Variants in CCNY observed in about 807,000 individuals in gnomAD.
CCNY encodes cyclin-Y.
CCNY carries 19 observed loss-of-function variants against 42.8 expected under a neutral mutation model. The ratio of observed to expected loss-of-function variants is 0.44; its 90% CI spans 0.31 to 0.65. The LOEUF (loss-of-function observed/expected upper bound fraction) is 0.65, where lower values mean the gene tolerates loss of function less well. Among genes scored for constraint, CCNY ranks in the 30% least tolerant of loss-of-function variants. CCNY has a pLI of 0.07. For synonymous variants in CCNY, 165 were observed against 162.7 expected (o/e 1.01, Z -0.11); for missense variants, 370 against 437.3 (o/e 0.85, Z 1.37).
At chr10:35,418,427 C>T (rs1468169144) in intron 1 of CCNY, among the ~76,000 whole-genome samples, 1 of 152,174 alleles carries the variant, frequency 6.6e-6, no homozygotes, top group East Asian at 1.9e-4. Flanking sequence ...AAAACATGCC[C>T]TTGCTTGAGC....
rs145154126 is a variant in CCNY, at chr10:35,341,380, C to T, written c.154+4173C>T. On this transcript the variant is annotated intron_variant, in intron 1 of 9. Coordinates refer to ENST00000374704, the MANE Select transcript of CCNY (RefSeq NM_145012.6). ...AATCACCTTTAAACATCCTTTCTGC[C>T]GCCCACTGGCAATCCCAATGCATAT... Among the ~76,000 whole-genome samples the T allele has an allele frequency of 3.4e-3, 524 of 152,294 alleles. 1 individual carries two copies. Among genetic ancestry groups the T allele is most frequent in the Non-Finnish European group, 5.7e-3 (390 of 68,026 alleles).
rs35490407 is a variant in CCNY at position 35,267,311 on chromosome 10, GAA to G, written c.-9+16699_-9+16700del. 1.1e-3 allele frequency among the ~76,000 whole-genome samples: 145 copies of G among 132,398 alleles called. 1 individual carries two copies. Among genetic ancestry groups the G allele is most frequent in the Admixed American group, 3.0e-3 (39 of 12,826 alleles). The allele number at this position is 132,398 out of a possible 152,430, so 86.9% of individuals were successfully genotyped here. ...CAACAGAGAGAGATCCCATCACTTA[GAA>G]AAAAAAAAAAAAAGAGGATAATTCC... is the stretch of plus-strand genomic sequence containing the variant. On this transcript the variant is annotated intron_variant, in intron 3 of 11. Coordinates refer to the CCNY transcript ENST00000374706.
At chr10:35,292,359 A>AT (rs988218334) in intron 3 of CCNY, among the ~76,000 whole-genome samples, 10 of 151,656 alleles carry the variant, frequency 6.6e-5, no homozygotes, top group African/African-American at 2.2e-4. Flanking sequence ...TTAATTTTTA[A>AT]TTTTTTTATT....
intron 1 of CCNY, among the ~76,000 whole-genome samples, chr10:35,418,944 C>T (rs1273118283): frequency 6.6e-6 from 1 of 152,054 alleles, no homozygotes; most frequent in Non-Finnish European, 1.5e-5. Flanking sequence ...CCTCAGCCTC[C>T]CGAGTAGCTG....
intron 3 of CCNY, among the ~76,000 whole-genome samples, chr10:35,287,195 T>C (rs1835364132): frequency 6.6e-6 from 1 of 152,196 alleles, no homozygotes; most frequent in African/African-American, 2.4e-5. Flanking sequence ...CTATAGTTTG[T>C]CCAAATAGAG....
intron 3 of CCNY, among the ~76,000 whole-genome samples, chr10:35,264,120 G>C (rs2095722507): frequency 1.3e-5 from 2 of 152,154 alleles, no homozygotes; most frequent in Admixed American, 6.5e-5. Context: ...TTGATATTGT[G>C]AATAGTCCTG....
intron 3 of CCNY, among the ~76,000 whole-genome samples, chr10:35,281,973 G>A (rs11010153): frequency 6.6e-6 from 1 of 151,982 alleles, no homozygotes; most frequent in Non-Finnish European, 1.5e-5. Flanking sequence ...CATCTTCCTA[G>A]AACTCTTGGC....
chr10:35,448,235 T>C (rs772799925), intron 1 of CCNY, among the ~76,000 whole-genome samples: 8 of 152,196 alleles, frequency 5.3e-5, no homozygotes, highest in Admixed American at 2.0e-4. Context: ...CTGCTCTCTG[T>C]TGGACACCAT....
intron 1 of CCNY, among the ~76,000 whole-genome samples, chr10:35,351,744 AC>A (rs1350685436): frequency 6.6e-6 from 1 of 152,214 alleles, no homozygotes; most frequent in Non-Finnish European, 1.5e-5. Context: ...CTTATGAGAT[AC>A]CCTTACAGGA....
At chr10:35,397,797 G>C (rs1837556918) in intron 1 of CCNY, among the ~76,000 whole-genome samples, 1 of 152,204 alleles carries the variant, frequency 6.6e-6, no homozygotes, top group Non-Finnish European at 1.5e-5. Flanking sequence ...CTGCCTGGAT[G>C]CATGTGTGTC....
At chr10:35,460,130 G>T (rs1204839531) in intron 1 of CCNY, among the ~76,000 whole-genome samples, 2 of 152,186 alleles carry the variant, frequency 1.3e-5, no homozygotes. Flanking sequence ...TTTGTTTCAG[G>T]TAGAGCTCCC....
Position 35,566,032 on chromosome 10 carries a change from A to C in CCNY, c.756A>C (p.Leu252=). 2 of 1,613,772 alleles carry C rather than the reference A, an allele frequency of 1.2e-6. No homozygotes were observed. Among genetic ancestry groups the C allele is most frequent in the Non-Finnish European group, 8.5e-7 (1 of 1,179,814 alleles). Residue 252 remains leucine (L), a synonymous_variant, in exon 9 of 10, where the codon CTA becomes CTC. Coordinates refer to ENST00000374704, the MANE Select transcript of CCNY (RefSeq NM_145012.6). ...TGTCTTTGCTTTGCAGGAACGAGCT[A>C]GAGCGACAGTTTCTTGAATTGCTGC... ...KDITVEDMNE[L]ERQFLELLQF... is the part of the protein sequence containing the mutation.
At chr10:35,292,424 C>T (rs1468955753) in intron 3 of CCNY, among the ~76,000 whole-genome samples, 1 of 151,712 alleles carries the variant, frequency 6.6e-6, no homozygotes, top group Non-Finnish European at 1.5e-5. Context: ...AGTGCAGTGG[C>T]ACGATCTCGG....
At chr10:35,315,635 G>C (rs1250171357) in intron 3 of CCNY, among the ~76,000 whole-genome samples, 1 of 152,168 alleles carries the variant, frequency 6.6e-6, no homozygotes, top group East Asian at 1.9e-4. Context: ...ACCCAGTAAT[G>C]GGATTGCTGG....
At position 35,560,027 on chromosome 10, in the gene CCNY, T is replaced by A. The variant is rs1159591010; in HGVS notation, c.747-5996T>A. 3.9e-5 allele frequency among the ~76,000 whole-genome samples: 6 copies of A among 152,220 alleles called. No individual in the cohort carries two copies. The East Asian group carries it at 1.2e-3, about 29-fold the overall frequency. On this transcript the variant is annotated intron_variant, in intron 8 of 9. Transcript: ENST00000374704. The stretch of plus-strand genomic sequence containing the variant: ...GGAAGGAAAGGGGATGCCTGTCCTA[T>A]GTCTGTCCTATGCCTGTGCCACCAT...
intron 1 of CCNY, among the ~76,000 whole-genome samples, chr10:35,441,504 G>A (rs1838667807): frequency 6.6e-6 from 1 of 152,244 alleles, no homozygotes; most frequent in African/African-American, 2.4e-5. Flanking sequence ...CAGTGGCTGC[G>A]AGGCCGAGGC....
intron 1 of CCNY, among the ~76,000 whole-genome samples, chr10:35,387,673 G>C (rs1413927013): frequency 6.6e-6 from 1 of 152,214 alleles, no homozygotes; most frequent in Non-Finnish European, 1.5e-5. Context: ...AAAACTTACT[G>C]TGTGGAGTTT....
intron 3 of CCNY, among the ~76,000 whole-genome samples, chr10:35,285,796 T>C (rs1835348191): frequency 6.8e-6 from 1 of 147,336 alleles, no homozygotes; most frequent in Admixed American, 6.9e-5. Flanking sequence ...ATGGATGTGG[T>C]TGGATTTAGG....
intron 1 of CCNY, among the ~76,000 whole-genome samples, chr10:35,337,951 G>GC (rs1836086900): frequency 6.6e-6 from 1 of 152,156 alleles, no homozygotes; most frequent in South Asian, 2.1e-4. Flanking sequence ...ATTACTGCAC[G>GC]CAGTAATGTT....
Sources: allele counts gnomAD v4.1 joint callset (sites outside exome capture counted in the v4.1 genomes callset), GRCh38; gene constraint gnomAD v4.1.1; transcripts MANE v1.5; gene names NCBI Gene and HGNC (gene_info 2026-07-23, HGNC 2026-07-21).